The following WDR27 variants were observed in gnomAD, a reference collection of about 807,000 sequenced individuals.
WDR27 encodes WD repeat-containing protein 27.
Under a neutral mutation model 114.4 loss-of-function variants are expected in WDR27, and 100 were observed. That is an observed-to-expected ratio of 0.87 (90% CI 0.74 to 1.03). The LOEUF is 1.03. Among genes scored for constraint, WDR27 ranks in the 50% least tolerant of loss-of-function variants. The probability of loss-of-function intolerance (pLI) is 0.00; values close to 1 mark genes in which losing one functional copy is unlikely to be tolerated. For missense variants in WDR27, 1,129 were observed against 1,092.9 expected, an observed-to-expected ratio of 1.03 and a Z score of -0.47; for synonymous variants, 449 against 423.1, an observed-to-expected ratio of 1.06 and a Z score of -0.75.
At chr6:169,460,242 T>C (rs1052832464) in intron 25 of WDR27, among the ~76,000 whole-genome samples, 4 of 152,212 alleles carry the variant, frequency 2.6e-5, no homozygotes, top group Non-Finnish European at 4.4e-5. Context: ...GAATCACTAC[T>C]TTATGTTTTG....
At chr6:169,699,656 T>C (rs928920998) in intron 1 of WDR27, among the ~76,000 whole-genome samples, 3 of 151,856 alleles carry the variant, frequency 2.0e-5, no homozygotes, top group Non-Finnish European at 4.4e-5. Flanking sequence ...GATGAGACCG[T>C]GGAGGAAAAG....
At chr6:169,516,069 A>T (rs1793594089) in intron 25 of WDR27, among the ~76,000 whole-genome samples, 1 of 152,150 alleles carries the variant, frequency 6.6e-6, no homozygotes, top group South Asian at 2.1e-4. Flanking sequence ...AAAAATAAGA[A>T]ATTCCAACTT....
At chr6:169,437,962 T>C in the WDR27 span, among the ~76,000 whole-genome samples, 1 of 152,174 alleles carries the variant, frequency 6.6e-6, no homozygotes, top group Admixed American at 6.5e-5. Flanking sequence ...TATATGGGTA[T>C]ACTGTGTGAT....
intron 25 of WDR27, among the ~76,000 whole-genome samples, chr6:169,514,656 A>G (rs1793393451): frequency 6.7e-6 from 1 of 148,706 alleles, no homozygotes; most frequent in African/African-American, 2.4e-5. Flanking sequence ...TAAAAGGTTA[A>G]TACACTAAGA....
intron 22 of WDR27, among the ~76,000 whole-genome samples, chr6:169,607,053 G>A (rs903118530): frequency 6.6e-6 from 1 of 152,180 alleles, no homozygotes; most frequent in African/African-American, 2.4e-5. Context: ...TCTTACACCA[G>A]TCAGAATGGC....
chr6:169,496,338 C>T lies in WDR27; in HGVS notation c.2646-38704G>A, dbSNP rs80056024. 3.1e-3 allele frequency among the ~76,000 whole-genome samples: 466 copies of T among 152,148 alleles called. 5 individuals are homozygous for T. The highest frequency in any genetic ancestry group is 0.026 in the East Asian group (136 of 5,164). The stretch of plus-strand genomic sequence containing the variant: ...CCATATATGAAAAACACAGAGCAAA[C>T]ATCTTATTCAATGATGAAAGACTGA... On this transcript the variant is annotated intron_variant, in intron 25 of 25. Coordinates refer to ENST00000448612, the MANE Select transcript of WDR27 (RefSeq NM_182552.5).
chr6:169,695,586 C>T (rs1274340505), intron 1 of WDR27, among the ~76,000 whole-genome samples: 1 of 152,028 alleles, frequency 6.6e-6, no homozygotes, highest in Non-Finnish European at 1.5e-5. Flanking sequence ...CCAGTGTTGC[C>T]CTTTTGCACC....
At chr6:169,665,394 A>G in intron 7 of WDR27, 92 bp downstream of exon 7, 1 of 1,499,102 alleles carries the variant, frequency 6.7e-7, no homozygotes. Flanking sequence ...ATCGCAGGAA[A>G]ATACAAAGTA....
At chr6:169,435,090 A>G in the WDR27 span, among the ~76,000 whole-genome samples, 8 of 152,224 alleles carry the variant, frequency 5.3e-5, no homozygotes, top group Non-Finnish European at 8.8e-5. Context: ...AGCTTAGGCC[A>G]TGACTTCAGA....
chr6:169,632,638 A>T (rs991153988), intron 21 of WDR27, among the ~76,000 whole-genome samples: 7 of 152,234 alleles, frequency 4.6e-5, no homozygotes, highest in Non-Finnish European at 8.8e-5. Flanking sequence ...CTATGTGTCT[A>T]CCATGCAATC....
chr6:169,691,254 T>TTTTAAAAAAA (rs1784437392), intron 1 of WDR27, among the ~76,000 whole-genome samples: 1 of 152,124 alleles, frequency 6.6e-6, no homozygotes, highest in Non-Finnish European at 1.5e-5. Flanking sequence ...AAAACGTAAT[T>TTTTAAAAAAA]TTTAAAGGCT....
At chr6:169,585,587 C>T (rs1002351263) in intron 23 of WDR27, among the ~76,000 whole-genome samples, 3 of 126,900 alleles carry the variant, frequency 2.4e-5, no homozygotes, top group Non-Finnish European at 4.9e-5. Flanking sequence ...ATAACATAAA[C>T]AATCAATTAC....
chr6:169,533,823 C>CTGTGTG (rs71008099), intron 25 of WDR27, among the ~76,000 whole-genome samples: 78 of 149,908 alleles, frequency 5.2e-4, no homozygotes, highest in Middle Eastern at 3.4e-3. Flanking sequence ...GAAGGTAAGC[C>CTGTGTG]TGTGTGTGTG....
intron 22 of WDR27, among the ~76,000 whole-genome samples, chr6:169,607,872 T>G (rs1000426399): frequency 3.9e-5 from 6 of 152,196 alleles, no homozygotes; most frequent in Middle Eastern, 3.4e-3. Flanking sequence ...TACACAGTCA[T>G]GCATCACTTA....
chr6:169,614,840 A>G (rs1811415484), intron 21 of WDR27, among the ~76,000 whole-genome samples: 1 of 152,246 alleles, frequency 6.6e-6, no homozygotes, highest in Non-Finnish European at 1.5e-5. Flanking sequence ...GGTACTCAGC[A>G]TAAAAAGAAG....
chr6:169,639,190 G>A (rs1342890422), intron 17 of WDR27, among the ~76,000 whole-genome samples: 2 of 150,264 alleles, frequency 1.3e-5, no homozygotes, highest in East Asian at 2.0e-4. Context: ...TGTGTGGAGC[G>A]TGTACTGCGT....
chr6:169,654,535 T>C (rs1823468486), intron 13 of WDR27, among the ~76,000 whole-genome samples: 1 of 152,240 alleles, frequency 6.6e-6, no homozygotes, highest in Non-Finnish European at 1.5e-5. Context: ...GTATCGTCAC[T>C]GGTTGCCAGA....
intron 24 of WDR27, among the ~76,000 whole-genome samples, chr6:169,575,480 G>C (rs1012363890): frequency 6.6e-6 from 1 of 151,926 alleles, no homozygotes; most frequent in African/African-American, 2.4e-5. Flanking sequence ...TGTAACATGT[G>C]TTTTATCCTC....
chr6:169,496,349 A>G (rs1434447878), intron 25 of WDR27, among the ~76,000 whole-genome samples: 1 of 152,152 alleles, frequency 6.6e-6, no homozygotes, highest in African/African-American at 2.4e-5. Context: ...ATCTTATTCA[A>G]TGATGAAAGA....
Sources: gnomAD v4.1 joint callset for allele counts (sites outside exome capture counted in the v4.1 genomes callset) on GRCh38, gnomAD v4.1.1 for gene constraint, MANE v1.5 for transcripts, NCBI Gene and HGNC (gene_info 2026-07-23, HGNC 2026-07-21) for gene names.